IGF1R: variants seen among roughly 807,000 people sequenced by gnomAD.
IGF1R encodes insulin like growth factor 1 receptor, also known as insulin-like growth factor 1 receptor.
In IGF1R, 44 loss-of-function variants were observed where a neutral mutation model predicts 144.6. The ratio of observed to expected loss-of-function variants is 0.30; its 90% CI spans 0.24 to 0.39. The LOEUF (loss-of-function observed/expected upper bound fraction) is 0.39. Ranked by LOEUF, IGF1R falls within the 10% of genes least tolerant of loss-of-function variation. IGF1R has a pLI of 1.00. For missense variants in IGF1R, 1,355 were observed against 1,833.7 expected (o/e 0.74, Z 4.77); for synonymous variants, 795 against 722.8 (o/e 1.10, Z -1.60).
chr15:98,843,616 T>G (rs1437781216), intron 2 of IGF1R, among the ~76,000 whole-genome samples: 1 of 152,166 alleles, frequency 6.6e-6, no homozygotes, highest in African/African-American at 2.4e-5. Context: ...GAGACCTAGC[T>G]TTTCTTCCTT....
In IGF1R at chr15:98,669,391, G is replaced by A. The variant is rs549229661; in HGVS notation, c.94+19716G>A. 7.9e-5 allele frequency among the ~76,000 whole-genome samples: 12 copies of A among 152,292 alleles called. No homozygotes were observed. In the South Asian group the frequency reaches 2.5e-3, roughly 32 times the overall value. ...TTACCTGTTTGAATTTTGCATGCCA[G>A]TTATTTTCAGGGAACTAGTGACCCT... On this transcript the variant is annotated intron_variant, in intron 1 of 20. Transcript: ENST00000650285.
chr15:98,691,587 C>A (rs1039944610), intron 1 of IGF1R, among the ~76,000 whole-genome samples: 2 of 152,110 alleles, frequency 1.3e-5, no homozygotes, highest in African/African-American at 4.8e-5. Flanking sequence ...TGGTCTCGAA[C>A]TCCTGACCTC....
At chr15:98,711,692 G>C (rs892654535) in intron 2 of IGF1R, among the ~76,000 whole-genome samples, 1 of 152,064 alleles carries the variant, frequency 6.6e-6, no homozygotes, top group Non-Finnish European at 1.5e-5. Context: ...CCTCTTATGA[G>C]TCTCTTCCTA....
Position 98,688,272 on chromosome 15 carries a change from C to G in IGF1R, c.95-19290C>G, listed in dbSNP as rs370315316. 2.1e-4 allele frequency among the ~76,000 whole-genome samples: 31 copies of G among 150,258 alleles called. No homozygotes were observed. The East Asian group carries it at 5.1e-3, about 25-fold the overall frequency. On this transcript the variant is annotated intron_variant, in intron 1 of 20. Coordinates refer to ENST00000650285, the MANE Select transcript of IGF1R (RefSeq NM_000875.5). Reference sequence around the variant, plus strand: ...TCCCACCACCCCCTTCTCTCCTGCTCCTGTTTTCTCCCCCGCCCCTTCTCT... The same window carrying G: ...TCCCACCACCCCCTTCTCTCCTGCTGCTGTTTTCTCCCCCGCCCCTTCTCT...
chr15:98,823,125 T>A (rs1245873250), intron 2 of IGF1R, among the ~76,000 whole-genome samples: 1 of 152,216 alleles, frequency 6.6e-6, no homozygotes, highest in African/African-American at 2.4e-5. Flanking sequence ...CCTTTATTTC[T>A]CCAGGTCTCC....
chr15:98,857,215 T>C (rs749232455), intron 2 of IGF1R, among the ~76,000 whole-genome samples: 27 of 152,140 alleles, frequency 1.8e-4, no homozygotes, highest in Non-Finnish European at 3.1e-4. Flanking sequence ...TCTTTATTTA[T>C]TTATTTATTT....
Position 98,957,758 on chromosome 15 carries a change from C to A in IGF1R, c.*316C>A. The A allele has an allele frequency of 2.3e-6, 1 of 441,316 alleles. No homozygotes were observed. Among genetic ancestry groups the A allele is most frequent in the South Asian group, 3.1e-5 (1 of 31,878 alleles). 27.3% of individuals were successfully genotyped at this position (441,316 alleles called of 1,614,324 possible). On this transcript the variant is annotated 3_prime_UTR_variant, in exon 21 of 21. Coordinates refer to ENST00000650285, the MANE Select transcript of IGF1R (RefSeq NM_000875.5). ...CTCCTCACTCTGTCCCTGTCCTTCC[C>A]TGTTCTCCCTTTCTCTCTCCTCTCT...
Position 98,810,838 on chromosome 15 carries a change from A to G in IGF1R, c.641-80487A>G, listed in dbSNP as rs1447044299. Among the ~76,000 whole-genome samples the G allele has an allele frequency of 1.0e-4, 15 of 149,872 alleles. 2 individuals carry two copies. Among genetic ancestry groups the G allele is most frequent in the South Asian group, 4.3e-4 (2 of 4,636 alleles). The stretch of plus-strand genomic sequence containing the variant: ...GCTGGGATTACAGGCGTGAGCCACC[A>G]CGCCCAGCCTCTAAATGATTTTCTT... On this transcript the variant is annotated intron_variant, in intron 2 of 20. Transcript: ENST00000650285.
chr15:98,749,288 C>G (rs543844483), intron 2 of IGF1R, among the ~76,000 whole-genome samples: 4 of 151,776 alleles, frequency 2.6e-5, no homozygotes, highest in African/African-American at 7.3e-5. Flanking sequence ...ATATGCTGCT[C>G]TTTTTAGTGC....
chr15:98,856,024 AT>A (rs2011794335), intron 2 of IGF1R, among the ~76,000 whole-genome samples: 1 of 152,196 alleles, frequency 6.6e-6, no homozygotes, highest in African/African-American at 2.4e-5. Flanking sequence ...GGTCACAGTG[AT>A]TTCCCCACAG....
At chr15:98,687,159 G>C (rs1193748851) in intron 1 of IGF1R, among the ~76,000 whole-genome samples, 2 of 152,198 alleles carry the variant, frequency 1.3e-5, no homozygotes, top group Non-Finnish European at 2.9e-5. Context: ...CTGTGTCTCA[G>C]ACCTGTGCTG....
chr15:98,690,794 G>T (rs574176722), intron 1 of IGF1R, among the ~76,000 whole-genome samples: 2 of 152,206 alleles, frequency 1.3e-5, no homozygotes, highest in East Asian at 3.9e-4. Context: ...TTTTCCATGT[G>T]GTTATGTCCA....
At chr15:98,816,310 TGA>T (rs1009104554) in intron 2 of IGF1R, among the ~76,000 whole-genome samples, 3 of 152,238 alleles carry the variant, frequency 2.0e-5, no homozygotes, top group Non-Finnish European at 4.4e-5. Context: ...CAGGAAATTG[TGA>T]GTTTCTTGTT....
At chr15:98,901,668 G>A (rs927329955) in intron 5 of IGF1R, among the ~76,000 whole-genome samples, 1 of 152,208 alleles carries the variant, frequency 6.6e-6, no homozygotes, top group East Asian at 1.9e-4. Flanking sequence ...AGCAGAACTC[G>A]CACAGTGATA....
intron 2 of IGF1R, among the ~76,000 whole-genome samples, chr15:98,738,166 T>G (rs1165628077): frequency 6.6e-6 from 1 of 152,206 alleles, no homozygotes; most frequent in African/African-American, 2.4e-5. Flanking sequence ...CAGGTTACCC[T>G]TTACCGGGGT....
intron 13 of IGF1R, 146 bp from the exon 14 acceptor site, chr15:98,929,412 C>T (rs1057189992): frequency 7.0e-6 from 5 of 714,662 alleles, no homozygotes; most frequent in African/African-American, 1.7e-5. Flanking sequence ...TTTCTGACAC[C>T]ATTTACCTTC....
intron 2 of IGF1R, among the ~76,000 whole-genome samples, chr15:98,736,329 A>G (rs1177613477): frequency 1.3e-5 from 2 of 152,208 alleles, no homozygotes; most frequent in Non-Finnish European, 2.9e-5. Flanking sequence ...CATTGTGTGT[A>G]TTGAACTTGA....
rs1208254309 is a variant in IGF1R, at chr15:98,955,332, C to CT, written c.3723-1728dup. 3.3e-5 allele frequency among the ~76,000 whole-genome samples: 5 copies of CT among 152,218 alleles called. No homozygotes were observed. The East Asian group carries it at 9.6e-4, about 29-fold the overall frequency. ...TACTGTGGGGGCCTTCATATTTTGT[C>CT]TAATTCTTTTCTCCCCAGAACAGGA... On this transcript the variant is annotated intron_variant, in intron 20 of 20. Transcript: ENST00000650285.
intron 2 of IGF1R, among the ~76,000 whole-genome samples, chr15:98,830,899 C>T (rs907959124): frequency 7.9e-5 from 12 of 152,284 alleles, no homozygotes; most frequent in South Asian, 6.2e-4. Context: ...CCACCACGCC[C>T]GGCCAGGATC....
Sources: gnomAD v4.1 joint callset for allele counts (sites outside exome capture counted in the v4.1 genomes callset) on GRCh38, gnomAD v4.1.1 for gene constraint, MANE v1.5 for transcripts, NCBI Gene and HGNC (gene_info 2026-07-23, HGNC 2026-07-21) for gene names.